Variants in DHX57 observed in about 807,000 individuals in gnomAD.
DHX57 encodes the protein DExH-box helicase 57.
Under a neutral mutation model 156.2 loss-of-function variants are expected in DHX57, and 105 were observed. That is an observed-to-expected ratio of 0.67 (90% CI 0.57 to 0.79). DHX57 has a LOEUF of 0.79. Ranked by LOEUF, DHX57 falls within the 30% of genes least tolerant of loss-of-function variation. The pLI is 0.00. For synonymous variants in DHX57, 704 were observed against 595.6 expected (o/e 1.18, Z -2.65); for missense variants, 1,847 against 1,661.9 (o/e 1.11, Z -1.94).
intron 19 of DHX57, among the ~76,000 whole-genome samples, chr2:38,817,768 G>A (rs1670617449): frequency 6.6e-6 from 1 of 152,090 alleles, no homozygotes; most frequent in East Asian, 1.9e-4. Context: ...GGCATTCATG[G>A]CTCACTGCAG....
chr2:38,822,912 G>T, intron 17 of DHX57, 81 bp downstream of exon 17: 1 of 1,326,892 alleles, frequency 7.5e-7, no homozygotes, highest in Non-Finnish European at 9.8e-7. Context: ...GGGCTCACAT[G>T]CCCTTGATTT....
intron 3 of DHX57, chr2:38,862,855 C>A (rs183713933): frequency 1.3e-3 from 198 of 156,560 alleles, no homozygotes; most frequent in African/African-American, 4.3e-3. Context: ...ATGAGCTGTT[C>A]ATGACTGGCC....
chr2:38,830,606 G>A (rs1452751932), intron 13 of DHX57, among the ~76,000 whole-genome samples: 1 of 151,512 alleles, frequency 6.6e-6, no homozygotes, highest in Admixed American at 6.6e-5. Flanking sequence ...TTCACCCTGG[G>A]CCACAGAGTG....
At chr2:38,868,551 G>C in intron 1 of DHX57, 140 bp from the exon 2 acceptor site, 1 of 910,142 alleles carries the variant, frequency 1.1e-6, no homozygotes, top group African/African-American at 1.7e-5. Context: ...CTTGGGGCAG[G>C]ATTCTGAATC....
At chr2:38,854,938 T>C in intron 8 of DHX57, 119 bp downstream of exon 8, 1 of 925,696 alleles carries the variant, frequency 1.1e-6, no homozygotes, top group Non-Finnish European at 1.7e-6. Flanking sequence ...TAATCATTAA[T>C]TTAAAAATAA....
intron 7 of DHX57, among the ~76,000 whole-genome samples, chr2:38,855,716 T>G (rs774331468): frequency 1.3e-5 from 2 of 152,162 alleles, no homozygotes; most frequent in Non-Finnish European, 2.9e-5. Flanking sequence ...TACTCTTGAA[T>G]AAATAAATGA....
At chr2:38,817,584 G>A (rs1196750023) in intron 19 of DHX57, among the ~76,000 whole-genome samples, 1 of 152,190 alleles carries the variant, frequency 6.6e-6, no homozygotes, top group African/African-American at 2.4e-5. Flanking sequence ...CCAAAGTGCT[G>A]GGATTACAGG....
intron 16 of DHX57, among the ~76,000 whole-genome samples, chr2:38,823,845 C>G (rs1670954545): frequency 6.6e-6 from 1 of 152,072 alleles, no homozygotes; most frequent in African/African-American, 2.4e-5. Context: ...AACCCAGTCT[C>G]TACTAAAAAT....
At chr2:38,809,122 C>G (rs532298211) in intron 21 of DHX57, among the ~76,000 whole-genome samples, 1 of 151,936 alleles carries the variant, frequency 6.6e-6, no homozygotes, top group Non-Finnish European at 1.5e-5. Context: ...AAAGTTTTGC[C>G]CATTTATTAT....
chr2:38,845,084 C>G (rs893827495), intron 11 of DHX57, among the ~76,000 whole-genome samples: 3 of 151,982 alleles, frequency 2.0e-5, no homozygotes, highest in African/African-American at 4.8e-5. Context: ...GTAGTCCCAG[C>G]TACTTAGTAT....
chr2:38,810,519 G>A (rs1031326789), intron 21 of DHX57: 3 of 561,344 alleles, frequency 5.3e-6, no homozygotes, highest in Admixed American at 1.9e-5. Context: ...GTCACCGACT[G>A]GCTGGCTCAT....
intron 5 of DHX57, among the ~76,000 whole-genome samples, chr2:38,860,217 A>T (rs1673122534): frequency 6.6e-6 from 1 of 152,156 alleles, no homozygotes; most frequent in Non-Finnish European, 1.5e-5. Context: ...TGGGAGGCCA[A>T]GGCAGGCGGA....
intron 23 of DHX57, among the ~76,000 whole-genome samples, chr2:38,799,609 G>C (rs1351659775): frequency 6.6e-6 from 1 of 150,384 alleles, no homozygotes; most frequent in African/African-American, 2.4e-5. Flanking sequence ...AATTAGCCAG[G>C]CATGGTGGCA....
chr2:38,864,021 A>AC lies in DHX57; in HGVS notation c.225-503_225-502insG, dbSNP rs542625998. On this transcript the variant is annotated intron_variant, in intron 2 of 23. Transcript: ENST00000457308. ...AGCGAGATTCCGTTTAAAAAAAAAA[A>AC]AAACAACAAAACTTAACAGATTCTT... 2.8e-3 allele frequency among the ~76,000 whole-genome samples: 428 copies of AC among 152,118 alleles called. 5 individuals are homozygous for AC. The highest frequency in any genetic ancestry group is 0.01 in the African/African-American group (416 of 41,524).
chr2:38,818,745 G>A, intron 19 of DHX57, 132 bp downstream of exon 19: 1 of 1,018,146 alleles, frequency 9.8e-7, no homozygotes, highest in Non-Finnish European at 1.4e-6. Context: ...ATTTTACACG[G>A]CTGGTAAGGC....
At chr2:38,872,789 A>T (rs191210556) in intron 1 of DHX57, among the ~76,000 whole-genome samples, 31 of 152,326 alleles carry the variant, frequency 2.0e-4, no homozygotes, top group African/African-American at 7.5e-4. Flanking sequence ...GTAGGAGACT[A>T]CAGTACCTCA....
intron 1 of DHX57, among the ~76,000 whole-genome samples, chr2:38,872,085 G>A (rs1665383703): frequency 6.6e-6 from 1 of 152,174 alleles, no homozygotes; most frequent in Non-Finnish European, 1.5e-5. Context: ...CTGCCCTCAT[G>A]ATCGAATTAC....
chr2:38,830,337 G>T (rs973066125), intron 13 of DHX57, among the ~76,000 whole-genome samples: 1 of 152,068 alleles, frequency 6.6e-6, no homozygotes, highest in Non-Finnish European at 1.5e-5. Flanking sequence ...CATTGAGAAG[G>T]TTATTAGTGG....
intron 16 of DHX57, among the ~76,000 whole-genome samples, chr2:38,823,681 C>G (rs1252675452): frequency 4.6e-5 from 7 of 152,140 alleles, no homozygotes; most frequent in Non-Finnish European, 1.0e-4. Context: ...CCAGCAACCC[C>G]ACTTCTAAGT....
Sources: gnomAD v4.1 joint callset for allele counts (sites outside exome capture counted in the v4.1 genomes callset) on GRCh38, gnomAD v4.1.1 for gene constraint, MANE v1.5 for transcripts, NCBI Gene and HGNC (gene_info 2026-07-23, HGNC 2026-07-21) for gene names.